Variants in PPP1R18 observed in about 807,000 individuals in gnomAD.
PPP1R18 encodes the protein phostensin.
Under a neutral mutation model 54.8 loss-of-function variants are expected in PPP1R18, and 31 were observed. That is an observed-to-expected ratio of 0.57 (90% CI 0.43 to 0.76). The LOEUF is 0.76. Ranked by LOEUF, PPP1R18 falls within the 30% of genes least tolerant of loss-of-function variation. The pLI, the probability that PPP1R18 is intolerant of heterozygous loss-of-function variation, is 0.00. For missense variants in PPP1R18, 685 were observed against 776.1 expected (o/e 0.88, Z 1.39); for synonymous variants, 310 against 320.2 (o/e 0.97, Z 0.34).
chr6:30,680,330 C>A (rs1770471120), intron 1 of PPP1R18, among the ~76,000 whole-genome samples: 1 of 152,092 alleles, frequency 6.6e-6, no homozygotes, highest in Non-Finnish European at 1.5e-5. Context: ...GGGATTAAGT[C>A]TAGGAGCCAA....
chr6:30,683,772 C>T lies in PPP1R18; in HGVS notation c.1611+636G>A, dbSNP rs1171105513. Reference sequence around the variant, plus strand: ...TTCAAATGGCCTCTCTGTGTCTCTCCCATGGGGCAGACTCGGGGTTCAAAA... The same window carrying T: ...TTCAAATGGCCTCTCTGTGTCTCTCTCATGGGGCAGACTCGGGGTTCAAAA... On this transcript the variant is annotated intron_variant, in intron 1 of 2. Coordinates refer to ENST00000274853, the MANE Select transcript of PPP1R18 (RefSeq NM_133471.4). The surrounding 1 kb of genome is among the most constrained non-coding windows in gnomAD (Gnocchi z 5.1). Among the ~76,000 whole-genome samples, 1 of 152,096 alleles carries T rather than the reference C, an allele frequency of 6.6e-6. No homozygotes were observed. The highest frequency in any genetic ancestry group is 1.9e-4 in the East Asian group (1 of 5,194).
chr6:30,687,526 G>C (rs1392728709), upstream of PPP1R18: 1 of 152,560 alleles, frequency 6.6e-6, no homozygotes, highest in Non-Finnish European at 1.5e-5. This position sits in a 1 kb window ranked among gnomAD's most constrained non-coding sequence, Gnocchi z 7.9. Context: ...GACCCAGGGC[G>C]GTGGCCCGTG....
Position 30,684,527 on chromosome 6 carries a change from C to T in PPP1R18, c.1492G>A (p.Val498Ile). 1 of 1,612,756 alleles carries T rather than the reference C, an allele frequency of 6.2e-7. No individual in the cohort carries two copies. The highest frequency in any genetic ancestry group is 8.5e-7 in the Non-Finnish European group (1 of 1,179,884). The change falls in exon 1 of 3, where the codon GTC (valine) becomes ATC (isoleucine). Residue 498 changes from valine (V) to isoleucine (I), a missense_variant. Coordinates refer to ENST00000274853, the MANE Select transcript of PPP1R18 (RefSeq NM_133471.4). This position sits in a 1 kb window ranked among gnomAD's most constrained non-coding sequence, Gnocchi z 6.0. The stretch of plus-strand genomic sequence containing the variant: ...TACCGCTTCTTCCCAGCCCCCGGGA[C>T]TGCAGCATCAACTGTGGCTGGAGAG... ...PTSPATVDAA[V>I]PGAGKKRYPT...
upstream of PPP1R18, chr6:30,687,683 G>A (rs1036030578): frequency 2.6e-5 from 4 of 152,620 alleles, no homozygotes; most frequent in Admixed American, 1.3e-4. The surrounding 1 kb of genome is among the most constrained non-coding windows in gnomAD (Gnocchi z 7.9). Context: ...GTTTTGCGGG[G>A]TCGAGGGCAG....
upstream of PPP1R18, chr6:30,687,521 A>T (rs369752516): frequency 1.3e-5 from 2 of 152,454 alleles, no homozygotes; most frequent in East Asian, 3.9e-4. This position sits in a 1 kb window ranked among gnomAD's most constrained non-coding sequence, Gnocchi z 7.9. Flanking sequence ...TCGCCGACCC[A>T]GGGCGGTGGC....
rs1271401532 is a variant in PPP1R18, at chr6:30,684,914, G to A, written c.1105C>T (p.Pro369Ser). 1.2e-6 allele frequency: 2 copies of A among 1,613,010 alleles called. No homozygotes were observed. The highest frequency in any genetic ancestry group is 1.7e-6 in the Non-Finnish European group (2 of 1,180,028). Residue 369 changes from proline to serine, a missense_variant, in exon 1 of 3, where the codon CCC becomes TCC. By Grantham distance (74) the Pro-to-Ser change is moderately conservative. Coordinates refer to ENST00000274853, the MANE Select transcript of PPP1R18 (RefSeq NM_133471.4). The surrounding 1 kb of genome is among the most constrained non-coding windows in gnomAD (Gnocchi z 6.0). ...TCCCCTTCTCCAGCCTCCACACCGG[G>A]AGATTCCAGAAGCTTCTCTGCTGAC... is the stretch of plus-strand genomic sequence containing the variant. The part of the protein sequence containing the change: ...PESAEKLLES[P>S]GVEAGEGEAE...
Position 30,679,302 on chromosome 6 carries a change from G to T in PPP1R18, c.1699C>A (p.Pro567Thr). The T allele has an allele frequency of 3.2e-6, 5 of 1,547,784 alleles. No individual in the cohort carries two copies. The highest frequency in any genetic ancestry group is 1.4e-5 in the African/African-American group (1 of 71,806). Residue 567 changes from proline (P) to threonine (T), a missense_variant, in exon 2 of 3, where the codon CCT becomes ACT. Physicochemically the swap from Pro to Thr is conservative, Grantham distance 38. Coordinates refer to ENST00000274853, the MANE Select transcript of PPP1R18 (RefSeq NM_133471.4). ...SSVLEELGPE[P>T]EVPSAPNPPA... ...GGGTTGGGGGCACTGGGGACCTCAG[G>T]CTCCGGGCCCAGCTCCTCCAGTACC...
intron 2 of PPP1R18, among the ~76,000 whole-genome samples, chr6:30,677,980 G>A (rs1435737882): frequency 6.6e-6 from 1 of 150,668 alleles, no homozygotes; most frequent in Non-Finnish European, 1.5e-5. Flanking sequence ...GCGTCATCTC[G>A]GCTCACTGCA....
chr6:30,678,453 G>T (rs1391947919), intron 2 of PPP1R18, among the ~76,000 whole-genome samples: 1 of 150,446 alleles, frequency 6.6e-6, no homozygotes, highest in Non-Finnish European at 1.5e-5. Flanking sequence ...TCGGCTCACT[G>T]CAAGCTCCGC....
In PPP1R18 at chr6:30,686,095, G is replaced by C. The variant is rs1170858419; in HGVS notation, c.-77C>G. 2.1e-6 allele frequency: 3 copies of C among 1,438,314 alleles called. No homozygotes were observed. The highest frequency in any genetic ancestry group is 2.3e-5 in the Admixed American group (1 of 44,272). 89.1% of individuals were successfully genotyped at this position (1,438,314 alleles called of 1,614,324 possible). ...GAGGCTCCAGAGAGTGAGACAGCCC[G>C]GGGGTGAGACTGAGGGTGGGAGGAG... On this transcript the variant is annotated 5_prime_UTR_variant, in exon 1 of 3. Transcript: ENST00000274853.
At chr6:30,677,380 G>A (rs1770259334) in intron 2 of PPP1R18, 92 bp from the exon 3 acceptor site, 2 of 1,111,928 alleles carry the variant, frequency 1.8e-6, no homozygotes, top group Non-Finnish European at 2.6e-6. Flanking sequence ...AGGGCAGTTG[G>A]CATGCAGGAA....
rs779096249 is a variant in PPP1R18 at position 30,685,392 on chromosome 6, A to G, written c.627T>C (p.Ser209=). The G allele has an allele frequency of 6.2e-6, 10 of 1,612,848 alleles. No homozygotes were observed. Among genetic ancestry groups the G allele is most frequent in the Non-Finnish European group, 8.5e-6 (10 of 1,180,022 alleles). ...TPERSLRLAE[S]REQSPRRKEV... ...CTTTTCTCCTGGGGCTTTGCTCTCG[A>G]GACTCTGCTAGTCTCAGACTCCGCT... is the stretch of plus-strand genomic sequence containing the variant. Residue 209 remains serine, a synonymous_variant, in exon 1 of 3, where the codon TCT becomes TCC. Transcript: ENST00000274853. This position sits in a 1 kb window ranked among gnomAD's most constrained non-coding sequence, Gnocchi z 5.0.
In PPP1R18 at chr6:30,685,924, C is replaced by T. The variant is rs779105067; in HGVS notation, c.95G>A (p.Arg32His). The change falls in exon 1 of 3, where the codon CGC becomes CAC. Residue 32 changes from arginine (R) to histidine (H), a missense_variant. Transcript: ENST00000274853. The surrounding 1 kb of genome is among the most constrained non-coding windows in gnomAD (Gnocchi z 5.0). ...TTTCCAGGCTGGCATCTGGGACAGGCGCTCCCGTTCTGCTTTCTCTCGGCC... is the reference window on the plus strand; with the variant it reads ...TTTCCAGGCTGGCATCTGGGACAGGTGCTCCCGTTCTGCTTTCTCTCGGCC... The part of the protein sequence containing the change: ...VRGREKAERE[R>H]LSQMPAWKRG... 15 of 1,608,672 alleles carry T rather than the reference C, an allele frequency of 9.3e-6. No homozygotes were observed. Among genetic ancestry groups the T allele is most frequent in the Non-Finnish European group, 1.1e-5 (13 of 1,180,008 alleles).
At chr6:30,677,692 T>C (rs1770273850) in intron 2 of PPP1R18, among the ~76,000 whole-genome samples, 1 of 151,748 alleles carries the variant, frequency 6.6e-6, no homozygotes, top group African/African-American at 2.4e-5. Flanking sequence ...ACTAAAAATA[T>C]AAAAACTAGC....
At position 30,685,160 on chromosome 6, in the gene PPP1R18, C is replaced by T. The variant is rs774106595; in HGVS notation, c.859G>A (p.Val287Ile). The change falls in exon 1 of 3, where the codon GTA (valine) becomes ATA (isoleucine). Residue 287 changes from valine (V) to isoleucine (I), a missense_variant. By Grantham distance (29) the Val-to-Ile change is conservative. Coordinates refer to ENST00000274853, the MANE Select transcript of PPP1R18 (RefSeq NM_133471.4). The surrounding 1 kb of genome is among the most constrained non-coding windows in gnomAD (Gnocchi z 5.0). ...AGCTCTGCAGTCTCTTTTGGAGCTA[C>T]CCCTGGAACTGGCCACTCTTCTTTT... is the stretch of plus-strand genomic sequence containing the variant. Reference protein sequence around the residue: ...GRKEEWPVPGVAPKETAELSE... With the variant: ...GRKEEWPVPGIAPKETAELSE... The T allele has an allele frequency of 1.2e-6, 2 of 1,613,078 alleles. No individual in the cohort carries two copies. Among genetic ancestry groups the T allele is most frequent in the South Asian group, 1.1e-5 (1 of 91,076 alleles).
Position 30,685,863 on chromosome 6 carries a change from C to G in PPP1R18, c.156G>C (p.Gly52=), listed in dbSNP as rs1770889096. The G allele has an allele frequency of 6.2e-7, 1 of 1,612,112 alleles. No homozygotes were observed. The highest frequency in any genetic ancestry group is 8.5e-7 in the Non-Finnish European group (1 of 1,180,032). ...CAGGGCTAGGCTCCCCAGGGGACAG[C>G]CCAAGCTTGGCCCGGCGGCGCTCCA... The part of the protein sequence containing the change: ...GLLERRRAKL[G]LSPGEPSPVL... The change falls in exon 1 of 3, where the codon GGG becomes GGC. Residue 52 remains glycine (G), a synonymous_variant. Transcript: ENST00000274853. This position sits in a 1 kb window ranked among gnomAD's most constrained non-coding sequence, Gnocchi z 5.0.
At position 30,683,735 on chromosome 6, in the gene PPP1R18, G is replaced by A. The variant is rs1263372932; in HGVS notation, c.1611+673C>T. Among the ~76,000 whole-genome samples, 2 of 152,052 alleles carry A rather than the reference G, an allele frequency of 1.3e-5. No individual in the cohort carries two copies. Among genetic ancestry groups the A allele is most frequent in the Non-Finnish European group, 2.9e-5 (2 of 67,998 alleles). On this transcript the variant is annotated intron_variant, in intron 1 of 2. Coordinates refer to ENST00000274853, the MANE Select transcript of PPP1R18 (RefSeq NM_133471.4). The surrounding 1 kb of genome is among the most constrained non-coding windows in gnomAD (Gnocchi z 5.1). ...GGCCCAGCTGGGGGTGTGCAACCCC[G>A]AGGTCACCCACTTCAAATGGCCTCT...
chr6:30,678,784 C>T (rs1388751466), intron 2 of PPP1R18, among the ~76,000 whole-genome samples: 2 of 152,248 alleles, frequency 1.3e-5, no homozygotes, highest in African/African-American at 2.4e-5. Flanking sequence ...CTTGGCTTCC[C>T]GAAGTGCTGG....
chr6:30,687,540 C>T (rs1771070372), upstream of PPP1R18: 1 of 152,418 alleles, frequency 6.6e-6, no homozygotes, highest in Non-Finnish European at 1.5e-5. This position sits in a 1 kb window ranked among gnomAD's most constrained non-coding sequence, Gnocchi z 7.9. Flanking sequence ...GCCCGTGACT[C>T]AGGCCCCTCG....
Sources: gnomAD v4.1 joint callset for allele counts (sites outside exome capture counted in the v4.1 genomes callset) on GRCh38, gnomAD v4.1.1 for gene constraint, Gnocchi (gnomAD v3.1) non-coding constraint, MANE v1.5 for transcripts, NCBI Gene and HGNC (gene_info 2026-07-23, HGNC 2026-07-21) for gene names.